The following ABCC2 variants were observed in gnomAD, a reference collection of about 807,000 sequenced individuals.
ABCC2 encodes ATP binding cassette subfamily C member 2.
In ABCC2, 157 loss-of-function variants were observed where a neutral mutation model predicts 173.4. That is an observed-to-expected ratio of 0.91 (90% CI 0.80 to 1.03). ABCC2 has a LOEUF of 1.03. Among genes scored for constraint, ABCC2 ranks in the 50% least tolerant of loss-of-function variants. The pLI is 0.00. For synonymous variants in ABCC2, 657 were observed against 693.5 expected, an observed-to-expected ratio of 0.95 and a Z score of 0.83; for missense variants, 1,822 against 1,852.3, an observed-to-expected ratio of 0.98 and a Z score of 0.30.
chr10:99,806,532 G>A (rs1199075906), intron 11 of ABCC2, among the ~76,000 whole-genome samples: 1 of 152,164 alleles, frequency 6.6e-6, no homozygotes, highest in Non-Finnish European at 1.5e-5. Flanking sequence ...AAACACTATT[G>A]TAAGAATTTT....
chr10:99,839,182 G>A (rs1369377080), intron 25 of ABCC2, among the ~76,000 whole-genome samples: 14 of 106,328 alleles, frequency 1.3e-4, no homozygotes, highest in African/African-American at 4.3e-4. Flanking sequence ...CTGGCCGGGC[G>A]GGGGGCCAAC....
intron 19 of ABCC2, among the ~76,000 whole-genome samples, chr10:99,822,705 T>G (rs1396732649): frequency 1.3e-5 from 2 of 152,002 alleles, no homozygotes; most frequent in Non-Finnish European, 2.9e-5. Flanking sequence ...TTTAAAAAAT[T>G]TAAAGTATAG....
rs761449565 is a variant in ABCC2, at chr10:99,834,487, C to G, written c.3366C>G (p.Val1122=). The change falls in exon 24 of 32, where the codon GTC becomes GTG. Residue 1122 remains valine, a synonymous_variant. Transcript: ENST00000647814. ...TCATGATCTGCATGGCCACTCCTGT[C>G]TTCACCATCATCGTCATTCCTCTTG... ...TLVMICMATP[V]FTIIVIPLGI... The G allele has an allele frequency of 1.2e-6, 2 of 1,614,210 alleles. No individual in the cohort carries two copies. Among genetic ancestry groups the G allele is most frequent in the East Asian group, 2.2e-5 (1 of 44,878 alleles).
chr10:99,830,441 A>C lies in ABCC2; in HGVS notation c.2747+8A>C, dbSNP rs2038718945. On this transcript the variant is annotated splice_region_variant and intron_variant, in intron 20 of 31. Coordinates refer to ENST00000647814, the MANE Select transcript of ABCC2 (RefSeq NM_000392.5). ...TCGAACACTTAGCCGCAGGTTGGCT[A>C]TCTATTCAGCTGGCAGCCCTCGTCA... 3.1e-6 allele frequency: 5 copies of C among 1,614,202 alleles called. No homozygotes were observed. The Admixed American group carries it at 8.3e-5, about 27-fold the overall frequency.
At chr10:99,808,470 T>C (rs1162411674) in intron 13 of ABCC2, among the ~76,000 whole-genome samples, 1 of 152,112 alleles carries the variant, frequency 6.6e-6, no homozygotes, top group Admixed American at 6.5e-5. Flanking sequence ...AGGGAGACAA[T>C]CTTGTGAAAG....
chr10:99,830,826 A>C lies in ABCC2; in HGVS notation c.2858A>C (p.Lys953Thr). 2 of 1,614,062 alleles carry C rather than the reference A, an allele frequency of 1.2e-6. No individual in the cohort carries two copies. Among genetic ancestry groups the C allele is most frequent in the Non-Finnish European group, 1.7e-6 (2 of 1,179,988 alleles). Residue 953 changes from lysine (K) to threonine (T), a missense_variant, in exon 21 of 32, where the codon AAG (lysine) becomes ACG (threonine). Physicochemically the swap from Lys to Thr is moderately conservative, Grantham distance 78. Transcript: ENST00000647814. ...EELVKGQKLI[K>T]KEFIETGKVK... ...CTAGTGAAAGGACAAAAACTAATTA[A>C]GAAGGAATTCATAGAAACTGGAAAG...
chr10:99,813,230 G>T, intron 16 of ABCC2, 86 bp downstream of exon 16: 1 of 1,517,256 alleles, frequency 6.6e-7, no homozygotes, highest in Non-Finnish European at 9.0e-7. Context: ...AAGGCACTGA[G>T]GGCTAGTAGG....
intron 13 of ABCC2, among the ~76,000 whole-genome samples, 199 bp downstream of exon 13, chr10:99,808,428 G>A (rs1299568315): frequency 6.6e-6 from 1 of 152,124 alleles, no homozygotes; most frequent in Non-Finnish European, 1.5e-5. Flanking sequence ...ACTATAAAAT[G>A]AGGATAATCA....
rs1370447624 is a variant in ABCC2 at position 99,852,206 on chromosome 10, C to T, written c.*575C>T. The stretch of plus-strand genomic sequence containing the variant: ...GTACTACTATGGACATTCTGGTCTA[C>T]ATCTCCTGGCACATATGTAAGAGTT... On this transcript the variant is annotated 3_prime_UTR_variant, in exon 32 of 32. Coordinates refer to ENST00000647814, the MANE Select transcript of ABCC2 (RefSeq NM_000392.5). 1 of 153,540 alleles carries T rather than the reference C, an allele frequency of 6.5e-6. No individual in the cohort carries two copies. Among genetic ancestry groups the T allele is most frequent in the African/African-American group, 2.4e-5 (1 of 41,456 alleles). The allele number at this position is 153,540 out of a possible 1,614,324, so 9.5% of individuals were successfully genotyped here. A position where few individuals can be genotyped will look rare whatever the true frequency, so the allele number is the denominator to read the frequency against.
At chr10:99,811,884 G>T (rs1254469453) in intron 15 of ABCC2, among the ~76,000 whole-genome samples, 1 of 152,214 alleles carries the variant, frequency 6.6e-6, no homozygotes, top group Non-Finnish European at 1.5e-5. Flanking sequence ...GTGGATGGAG[G>T]TAGTGCAGCG....
intron 14 of ABCC2, among the ~76,000 whole-genome samples, chr10:99,810,791 G>A (rs998939104): frequency 3.9e-5 from 6 of 152,132 alleles, no homozygotes; most frequent in African/African-American, 1.4e-4. Context: ...TTGGAAGGCC[G>A]AGGTGGGTGG....
intron 2 of ABCC2, among the ~76,000 whole-genome samples, chr10:99,790,775 A>G (rs1358702599): frequency 6.6e-6 from 1 of 152,162 alleles, no homozygotes; most frequent in Non-Finnish European, 1.5e-5. Flanking sequence ...TCTACTCCTT[A>G]CTAAATAATA....
intron 19 of ABCC2, among the ~76,000 whole-genome samples, chr10:99,822,645 T>C (rs2038558147): frequency 6.6e-6 from 1 of 151,050 alleles, no homozygotes; most frequent in Admixed American, 6.6e-5. Context: ...CTGTTCTTTT[T>C]ACCAGTAAGA....
chr10:99,790,852 G>C (rs2037800237), intron 2 of ABCC2, among the ~76,000 whole-genome samples: 2 of 152,066 alleles, frequency 1.3e-5, no homozygotes, highest in Non-Finnish European at 2.9e-5. Flanking sequence ...TCATTACAAA[G>C]GGCCCATTAT....
intron 19 of ABCC2, among the ~76,000 whole-genome samples, chr10:99,829,647 G>T (rs527251579): frequency 1.4e-3 from 218 of 152,046 alleles, no homozygotes; most frequent in African/African-American, 4.8e-3. Flanking sequence ...TTTCTTTTCT[G>T]TTTTGAGAGA....
At chr10:99,849,916 C>G (rs547603405) in intron 30 of ABCC2, among the ~76,000 whole-genome samples, 2 of 152,258 alleles carry the variant, frequency 1.3e-5, no homozygotes, top group Admixed American at 6.5e-5. Flanking sequence ...GTAAGAGGTC[C>G]AGCCTTCATT....
In ABCC2 at chr10:99,834,453, G is replaced by A. The variant is rs753865751; in HGVS notation, c.3332G>A (p.Ser1111Asn). 29 of 1,613,988 alleles carry A rather than the reference G, an allele frequency of 1.8e-5. No homozygotes were observed. Among genetic ancestry groups the A allele is most frequent in the Non-Finnish European group, 2.0e-5 (24 of 1,179,996 alleles). The change falls in exon 24 of 32, where the codon AGC (serine) becomes AAC (asparagine). Residue 1111 changes from serine to asparagine, a missense_variant. Physicochemically the swap from Ser to Asn is conservative, Grantham distance 46. Coordinates refer to ENST00000647814, the MANE Select transcript of ABCC2 (RefSeq NM_000392.5). ...SWITCFLGIISTLVMICMATP... is the reference protein window; with the variant it reads ...SWITCFLGIINTLVMICMATP... Reference sequence around the variant, plus strand: ...ATTACATGCTTCCTGGGGATAATCAGCACCCTTGTCATGATCTGCATGGCC... The same window carrying A: ...ATTACATGCTTCCTGGGGATAATCAACACCCTTGTCATGATCTGCATGGCC...
chr10:99,808,039 G>C (rs373471015), intron 12 of ABCC2, 44 bp from the exon 13 acceptor site: 3 of 1,607,664 alleles, frequency 1.9e-6, no homozygotes, highest in Non-Finnish European at 2.6e-6. Flanking sequence ...AATGCTGCTT[G>C]GTCCCTTTTA....
Position 99,782,718 on chromosome 10 carries a change from A to T in ABCC2, c.-127A>T. 9.0e-7 allele frequency: 1 copy of T among 1,110,708 alleles called. No individual in the cohort carries two copies. Among genetic ancestry groups the T allele is most frequent in the Non-Finnish European group, 1.4e-6 (1 of 739,912 alleles). 68.8% of individuals were successfully genotyped at this position (1,110,708 alleles called of 1,614,324 possible). A position where few individuals can be genotyped will look rare whatever the true frequency, so the allele number is the denominator to read the frequency against. On this transcript the variant is annotated 5_prime_UTR_variant, in exon 1 of 32. Coordinates refer to ENST00000647814, the MANE Select transcript of ABCC2 (RefSeq NM_000392.5). Reference sequence around the variant, plus strand: ...GATTAAATGGTTGGGATGAAAGGTCATCCTTTACGGAGAACATCAGAATGG... The same window carrying T: ...GATTAAATGGTTGGGATGAAAGGTCTTCCTTTACGGAGAACATCAGAATGG...
Sources: allele counts gnomAD v4.1 joint callset (sites outside exome capture counted in the v4.1 genomes callset), GRCh38; gene constraint gnomAD v4.1.1; transcripts MANE v1.5; gene names NCBI Gene and HGNC (gene_info 2026-07-23, HGNC 2026-07-21).